ANK2: variants seen among roughly 807,000 people sequenced by gnomAD.
ANK2 encodes ankyrin 2, also known as ankyrin-2.
In ANK2, 83 loss-of-function variants were observed where a neutral mutation model predicts 360.5. That is an observed-to-expected ratio of 0.23 (90% CI 0.19 to 0.28). The LOEUF (loss-of-function observed/expected upper bound fraction) is 0.28. Ranked by LOEUF, ANK2 falls within the 10% of genes least tolerant of loss-of-function variation. ANK2 has a pLI of 1.00. For synonymous variants in ANK2, 1,740 were observed against 1,759.5 expected (o/e 0.99, Z 0.28); for missense variants, 4,201 against 4,795.7 (o/e 0.88, Z 3.66).
At chr4:113,306,199 T>G (rs1175213339) in intron 23 of ANK2, among the ~76,000 whole-genome samples, 1 of 152,242 alleles carries the variant, frequency 6.6e-6, no homozygotes, top group Non-Finnish European at 1.5e-5. Flanking sequence ...TAAGGCACTA[T>G]GTTGTCAGTT....
intron 2 of ANK2, among the ~76,000 whole-genome samples, chr4:113,032,565 T>C (rs1294443404): frequency 6.6e-6 from 1 of 152,072 alleles, no homozygotes; most frequent in Non-Finnish European, 1.5e-5. Flanking sequence ...AATGATTATA[T>C]GGTCCTCACA....
chr4:113,170,062 T>C (rs1055638204), intron 1 of ANK2, among the ~76,000 whole-genome samples: 1 of 152,216 alleles, frequency 6.6e-6, no homozygotes, highest in Admixed American at 6.5e-5. Flanking sequence ...TAAGGTGTTG[T>C]TTCCTACTTC....
chr4:113,156,164 C>T (rs10031639), intron 1 of ANK2, among the ~76,000 whole-genome samples: 104,010 of 151,922 alleles, frequency 0.68, 36,179 homozygotes, highest in African/African-American at 0.8. Flanking sequence ...GGCACCAGTT[C>T]TGTACAAATG....
At chr4:113,237,842 A>C (rs1047041598) in intron 7 of ANK2, among the ~76,000 whole-genome samples, 1 of 152,230 alleles carries the variant, frequency 6.6e-6, no homozygotes, top group African/African-American at 2.4e-5. Context: ...TATTTAAATA[A>C]GTTATTAGAG....
intron 2 of ANK2, among the ~76,000 whole-genome samples, chr4:112,940,906 C>T (rs1285019783): frequency 1.3e-5 from 2 of 151,996 alleles, no homozygotes; most frequent in Non-Finnish European, 2.9e-5. Context: ...GAATCACAGC[C>T]GCTAATGCTC....
rs2096365364 is a variant in ANK2 at position 113,363,615 on chromosome 4, G to A, written c.10888+146G>A. Reference sequence around the variant, plus strand: ...TCCTTGAGTAATATCATTTTGTTCAGTGTCATTTCCTTATAACATTGATGA... The same window carrying A: ...TCCTTGAGTAATATCATTTTGTTCAATGTCATTTCCTTATAACATTGATGA... On this transcript the variant is annotated intron_variant, in intron 40 of 45. Coordinates refer to ENST00000357077, the MANE Select transcript of ANK2 (RefSeq NM_001148.6). The A allele has an allele frequency of 3.4e-6, 3 of 880,150 alleles. No homozygotes were observed. The East Asian group carries it at 7.6e-5, about 22-fold the overall frequency. 54.5% of individuals were successfully genotyped at this position (880,150 alleles called of 1,614,324 possible).
At chr4:112,870,795 A>C (rs923840889) in intron 1 of ANK2, among the ~76,000 whole-genome samples, 2 of 152,160 alleles carry the variant, frequency 1.3e-5, no homozygotes, top group African/African-American at 4.8e-5. Flanking sequence ...ATTCTATGTA[A>C]ATTTTAAGGA....
intron 26 of ANK2, 124 bp downstream of exon 26, chr4:113,318,744 C>A: frequency 1.3e-6 from 1 of 783,060 alleles, no homozygotes; most frequent in Non-Finnish European, 2.2e-6. Flanking sequence ...TTTGTTTAAA[C>A]TTGTAAATAA....
intron 4 of ANK2, among the ~76,000 whole-genome samples, chr4:113,215,511 G>T (rs576559769): frequency 6.6e-6 from 1 of 152,266 alleles, no homozygotes; most frequent in Admixed American, 6.5e-5. Flanking sequence ...CATTGAGACT[G>T]AGAGATTACT....
rs1178733830 is a variant in ANK2, at chr4:113,373,441, C to A, written c.11851C>A (p.Gln3951Lys). The A allele has an allele frequency of 6.2e-7, 1 of 1,614,096 alleles. No homozygotes were observed. Among genetic ancestry groups the A allele is most frequent in the Non-Finnish European group, 8.5e-7 (1 of 1,179,984 alleles). ...KRVVLKSDTE[Q>K]SEDNNE ...TGTTGTATTGAAGAGTGACACCGAGCAGTCAGAGGTGAGACAACCTGATTC... is the reference window on the plus strand; with the variant it reads ...TGTTGTATTGAAGAGTGACACCGAGAAGTCAGAGGTGAGACAACCTGATTC... Residue 3951 changes from glutamine to lysine, a missense_variant, in exon 45 of 46, where the codon CAG becomes AAG. By Grantham distance (53) the Gln-to-Lys change is moderately conservative. Coordinates refer to ENST00000357077, the MANE Select transcript of ANK2 (RefSeq NM_001148.6).
intron 27 of ANK2, 85 bp downstream of exon 27, chr4:113,330,555 G>C: frequency 2.1e-6 from 3 of 1,419,010 alleles, no homozygotes; most frequent in Non-Finnish European, 2.9e-6. Flanking sequence ...ATGGAAAAAG[G>C]TACGTCAAAC....
At chr4:112,789,175 G>GT in the ANK2 span, among the ~76,000 whole-genome samples, 10 of 152,078 alleles carry the variant, frequency 6.6e-5, no homozygotes, top group African/African-American at 2.4e-4. Flanking sequence ...TTATACTGTG[G>GT]TAAAATGGAA....
chr4:113,199,510 G>T lies in ANK2; in HGVS notation c.384+401G>T, dbSNP rs1454091730. ...ATTCCAGTGGAAAATCTGCCATAAG[G>T]TGGGAATAACACTACTTTGGTCAGT... On this transcript the variant is annotated intron_variant, in intron 4 of 45. Coordinates refer to ENST00000357077, the MANE Select transcript of ANK2 (RefSeq NM_001148.6). Among the ~76,000 whole-genome samples the T allele has an allele frequency of 2.6e-5, 4 of 152,060 alleles. No individual in the cohort carries two copies. The East Asian group carries it at 5.8e-4, about 22-fold the overall frequency.
At chr4:113,330,158 C>T in intron 26 of ANK2, 88 bp from the exon 27 acceptor site, 2 of 1,272,536 alleles carry the variant, frequency 1.6e-6, no homozygotes, top group Admixed American at 2.0e-5. Flanking sequence ...GATTTTGAGA[C>T]AAAGCATTAC....
intron 2 of ANK2, among the ~76,000 whole-genome samples, chr4:112,960,371 G>C (rs1467680326): frequency 6.6e-6 from 1 of 151,214 alleles, no homozygotes; most frequent in Admixed American, 6.6e-5. Context: ...AAATCTTGTG[G>C]TACCTAATTT....
chr4:113,147,778 C>T (rs569489814), intron 1 of ANK2, among the ~76,000 whole-genome samples: 4 of 152,262 alleles, frequency 2.6e-5, no homozygotes, highest in Admixed American at 6.5e-5. Flanking sequence ...TTGGCTTTTA[C>T]GTAAATCCTT....
intron 1 of ANK2, among the ~76,000 whole-genome samples, chr4:113,113,115 A>G (rs1332497471): frequency 1.3e-5 from 2 of 152,172 alleles, no homozygotes; most frequent in Non-Finnish European, 2.9e-5. Flanking sequence ...CTATGGATTA[A>G]CACCATGAAC....
chr4:113,265,126 A>G lies in ANK2; in HGVS notation c.1485+131A>G, dbSNP rs1407705955. ...TAAGTGAAAGGATCAATTCAATAGC[A>G]GTTTTCCAGAAAAAAAAAAGAAACA... On this transcript the variant is annotated intron_variant, in intron 14 of 45. Transcript: ENST00000357077. The G allele has an allele frequency of 1.2e-5, 10 of 864,594 alleles. No individual in the cohort carries two copies. The East Asian group carries it at 2.4e-4, about 21-fold the overall frequency. 53.6% of individuals were successfully genotyped at this position (864,594 alleles called of 1,614,324 possible). A position where few individuals can be genotyped will look rare whatever the true frequency, so the allele number is the denominator to read the frequency against.
chr4:112,987,827 A>G (rs535080884), intron 2 of ANK2, among the ~76,000 whole-genome samples: 2 of 152,280 alleles, frequency 1.3e-5, no homozygotes, highest in East Asian at 3.9e-4. Flanking sequence ...TATAACATAT[A>G]TGTCTATTGC....
Sources: gnomAD v4.1 joint callset for allele counts (sites outside exome capture counted in the v4.1 genomes callset) on GRCh38, gnomAD v4.1.1 for gene constraint, MANE v1.5 for transcripts, NCBI Gene and HGNC (gene_info 2026-07-23, HGNC 2026-07-21) for gene names.